The following FXYD6 variants were observed in gnomAD, a reference collection of about 807,000 sequenced individuals.
FXYD6 encodes the protein FXYD domain-containing ion transport regulator 6.
A neutral mutation model predicts 16.7 loss-of-function variants in FXYD6; 7 were observed. That is an observed-to-expected ratio of 0.42 (90% CI 0.24 to 0.79). The LOEUF (loss-of-function observed/expected upper bound fraction) is 0.79, where lower values mean the gene tolerates loss of function less well. Ranked by LOEUF, FXYD6 falls within the 30% of genes least tolerant of loss-of-function variation. FXYD6 has a pLI of 0.28. For missense variants in FXYD6, 111 were observed against 116.2 expected (o/e 0.95, Z 0.21); for synonymous variants, 49 against 43.0 (o/e 1.14, Z -0.54).
rs986950949 is a variant in FXYD6 at position 117,837,829 on chromosome 11, C to G, written c.*470G>C. The G allele has an allele frequency of 3.8e-6, 1 of 262,948 alleles. No homozygotes were observed. 16.3% of individuals were successfully genotyped at this position (262,948 alleles called of 1,614,324 possible). On this transcript the variant is annotated 3_prime_UTR_variant, in exon 8 of 8. Coordinates refer to ENST00000526014, the MANE Select transcript of FXYD6 (RefSeq NM_022003.4). The surrounding 1 kb of genome is among the most constrained non-coding windows in gnomAD (Gnocchi z 4.4). ...GAAGACCACTGCCCGTGCTCTTACC[C>G]TACGCATCCCTAAATCAGGGGAGGG...
chr11:117,842,589 G>C, intron 2 of FXYD6, 130 bp downstream of exon 2: 3 of 894,798 alleles, frequency 3.4e-6, no homozygotes, highest in Non-Finnish European at 3.5e-6. Context: ...GAAGGGAGAG[G>C]CCCCTGACTA....
At chr11:117,841,298 C>T in intron 4 of FXYD6, 114 bp from the exon 5 acceptor site, 3 of 1,356,450 alleles carry the variant, frequency 2.2e-6, no homozygotes, top group South Asian at 2.5e-5. Flanking sequence ...CTGGGCAGTG[C>T]ACAGTTTGCA....
Position 117,842,773 on chromosome 11 carries a change from C to G in FXYD6, c.4G>C (p.Glu2Gln). The change falls in exon 2 of 8, where the codon GAG becomes CAG. Residue 2 changes from glutamate (E) to glutamine (Q), a missense_variant. By Grantham distance (29) the Glu-to-Gln change is conservative. Transcript: ENST00000526014. M[E>Q]LVLVFLCSLL... ...CTGCAGAGGAAGACCAGCACCAACT[C>G]CATGGCGTCTGGGGACAGAGGGAGG... is the stretch of plus-strand genomic sequence containing the variant. The G allele has an allele frequency of 1.3e-6, 2 of 1,565,328 alleles. No homozygotes were observed. The highest frequency in any genetic ancestry group is 1.7e-6 in the Non-Finnish European group (2 of 1,154,272).
intron 7 of FXYD6, 149 bp from the exon 8 acceptor site, chr11:117,838,426 G>C: frequency 1.5e-6 from 1 of 656,362 alleles, no homozygotes; most frequent in Non-Finnish European, 2.8e-6. Flanking sequence ...AAGACACAGG[G>C]GAGGGGTGAA....
rs2057112433 is a variant in FXYD6, at chr11:117,870,571, C to A, written c.-6+6021G>T. Among the ~76,000 whole-genome samples, 1 of 152,216 alleles carries A rather than the reference C, an allele frequency of 6.6e-6. No homozygotes were observed. The highest frequency in any genetic ancestry group is 2.4e-5 in the African/African-American group (1 of 41,460). ...TCTGCCTACCTCTTTAGAAGGACAGCTCTGGCCTGCATGTTTCAGCCTACA... is the reference window on the plus strand; with the variant it reads ...TCTGCCTACCTCTTTAGAAGGACAGATCTGGCCTGCATGTTTCAGCCTACA... On this transcript the variant is annotated intron_variant, in intron 1 of 7. Transcript: ENST00000526014. The surrounding 1 kb of genome is among the most constrained non-coding windows in gnomAD (Gnocchi z 4.2).
chr11:117,867,337 C>G (rs1304455888), intron 1 of FXYD6, among the ~76,000 whole-genome samples: 1 of 152,242 alleles, frequency 6.6e-6, no homozygotes. Flanking sequence ...GGCTTCCTCT[C>G]TCCTTCCCCA....
chr11:117,861,225 C>G (rs1276606523), intron 1 of FXYD6, among the ~76,000 whole-genome samples: 1 of 152,204 alleles, frequency 6.6e-6, no homozygotes, highest in Non-Finnish European at 1.5e-5. Flanking sequence ...CCACTCGAAC[C>G]CTGCTGGTCT....
At chr11:117,839,657 G>A (rs1309470682) in intron 7 of FXYD6, 124 bp downstream of exon 7, 1 of 1,162,246 alleles carries the variant, frequency 8.6e-7, no homozygotes, top group African/African-American at 1.5e-5. Context: ...CTCAGGGCAG[G>A]GCCCATAATA....
Position 117,838,082 on chromosome 11 carries a change from C to A in FXYD6, c.*217G>T, listed in dbSNP as rs1429673760. On this transcript the variant is annotated 3_prime_UTR_variant, in exon 8 of 8. Coordinates refer to ENST00000526014, the MANE Select transcript of FXYD6 (RefSeq NM_022003.4). The stretch of plus-strand genomic sequence containing the variant: ...ACACACACACATCACGGGAGGTGGG[C>A]AGGACCGCAGGCTGCAGTGGGGAGG... 1.3e-5 allele frequency: 9 copies of A among 680,268 alleles called. No homozygotes were observed. The highest frequency in any genetic ancestry group is 6.1e-5 in the Admixed American group (3 of 49,160). The allele number at this position is 680,268 out of a possible 1,614,324, so 42.1% of individuals were successfully genotyped here.
At chr11:117,841,725 C>G in intron 4 of FXYD6, 66 bp downstream of exon 4, 1 of 1,592,422 alleles carries the variant, frequency 6.3e-7, no homozygotes, top group South Asian at 1.1e-5. Flanking sequence ...GGCTCTCACA[C>G]TGTCCCCACC....
rs117188723 is a variant in FXYD6 at position 117,859,656 on chromosome 11, C to T, written c.-5-16875G>A. Among the ~76,000 whole-genome samples, 16 of 152,202 alleles carry T rather than the reference C, an allele frequency of 1.1e-4. No homozygotes were observed. In the East Asian group the frequency reaches 3.1e-3, roughly 29 times the overall value. On this transcript the variant is annotated intron_variant, in intron 1 of 7. Transcript: ENST00000526014. ...TCATGAAATCCAAGAACTAAGGAGG[C>T]CTTAAAAAGCCTTCAGAGCCAGTCC...
chr11:117,855,642 C>T (rs181879759), intron 1 of FXYD6, among the ~76,000 whole-genome samples: 2 of 152,230 alleles, frequency 1.3e-5, no homozygotes, highest in Admixed American at 6.5e-5. Context: ...ATCTCAGTTC[C>T]GGGCGAGAGA....
intron 1 of FXYD6, among the ~76,000 whole-genome samples, chr11:117,849,298 T>C (rs2056548842): frequency 6.6e-6 from 1 of 152,214 alleles, no homozygotes; most frequent in Non-Finnish European, 1.5e-5. Flanking sequence ...AAATATATAG[T>C]GATTTTTATT....
chr11:117,848,277 T>C (rs2056520223), intron 1 of FXYD6, among the ~76,000 whole-genome samples: 1 of 152,246 alleles, frequency 6.6e-6, no homozygotes, highest in Admixed American at 6.5e-5. Context: ...TTCTGTTTTA[T>C]GTTAATTATG....
At chr11:117,844,191 A>G (rs982684614) in intron 1 of FXYD6, 1 of 152,498 alleles carries the variant, frequency 6.6e-6, no homozygotes, top group Non-Finnish European at 1.5e-5. Flanking sequence ...ATCCACAGCC[A>G]CGTCAAGGCC....
chr11:117,863,572 T>C (rs1304014258), intron 1 of FXYD6, among the ~76,000 whole-genome samples: 1 of 151,856 alleles, frequency 6.6e-6, no homozygotes, highest in Non-Finnish European at 1.5e-5. Context: ...ATATCCACTT[T>C]CACCATTTCT....
chr11:117,871,265 G>C (rs954134518), intron 1 of FXYD6, among the ~76,000 whole-genome samples: 5 of 152,198 alleles, frequency 3.3e-5, no homozygotes, highest in South Asian at 4.1e-4. Context: ...TTGGGAACGC[G>C]TGGTGTGCAC....
chr11:117,863,492 C>A (rs1419946333), intron 1 of FXYD6, among the ~76,000 whole-genome samples: 1 of 151,434 alleles, frequency 6.6e-6, no homozygotes, highest in Non-Finnish European at 1.5e-5. Context: ...AAAAAAAAAC[C>A]CACAGCAAAC....
At chr11:117,874,004 A>G (rs1203858450) in intron 1 of FXYD6, among the ~76,000 whole-genome samples, 1 of 152,154 alleles carries the variant, frequency 6.6e-6, no homozygotes, top group Non-Finnish European at 1.5e-5. Context: ...AAAGAAAGCA[A>G]GGGTTGCAGG....
Sources: allele counts gnomAD v4.1 joint callset (sites outside exome capture counted in the v4.1 genomes callset), GRCh38; gene constraint gnomAD v4.1.1; non-coding constraint Gnocchi (gnomAD v3.1); transcripts MANE v1.5; gene names NCBI Gene and HGNC (gene_info 2026-07-23, HGNC 2026-07-21).